CYP7B1: variants seen among roughly 807,000 people sequenced by gnomAD.
CYP7B1 encodes cytochrome P450 family 7 subfamily B member 1, also known as cytochrome P450 7B1.
In CYP7B1, 29 loss-of-function variants were observed where a neutral mutation model predicts 42.7. The observed-to-expected ratio is 0.68, with a 90% confidence interval of 0.51 to 0.93. The LOEUF is 0.93. CYP7B1 is among the 40% of genes least tolerant of loss of function. CYP7B1 has a pLI of 0.00. For missense variants in CYP7B1, 655 were observed against 600.5 expected (o/e 1.09, Z -0.95); for synonymous variants, 235 against 218.2 (o/e 1.08, Z -0.68).
intron 1 of CYP7B1, among the ~76,000 whole-genome samples, chr8:64,632,553 TAA>T (rs756163708): frequency 2.6e-5 from 4 of 152,064 alleles, no homozygotes; most frequent in African/African-American, 4.8e-5. Context: ...CAAAATTTAT[TAA>T]GAGTAGATCT....
At position 64,770,020 on chromosome 8, in the gene CYP7B1, A is replaced by G. The variant is rs370774669; in HGVS notation, c.122+28446T>C. Among the ~76,000 whole-genome samples, 17 of 152,036 alleles carry G rather than the reference A, an allele frequency of 1.1e-4. No individual in the cohort carries two copies. The East Asian group carries it at 1.9e-3, about 17-fold the overall frequency. ...CTCATCTTTATTGTTAATAGTCTCA[A>G]TTACATTTGTGTGTGTGTGCGTGTG... is the stretch of plus-strand genomic sequence containing the variant. On this transcript the variant is annotated intron_variant, in intron 1 of 5. Coordinates refer to ENST00000310193, the MANE Select transcript of CYP7B1 (RefSeq NM_004820.5).
At chr8:64,728,075 C>T (rs1304977910) in intron 1 of CYP7B1, 2 of 152,182 alleles carry the variant, frequency 1.3e-5, no homozygotes, top group African/African-American at 4.8e-5. Flanking sequence ...GGTACACATT[C>T]TTCTGTTAAT....
intron 1 of CYP7B1, among the ~76,000 whole-genome samples, chr8:64,626,746 G>C (rs1037823080): frequency 2.6e-5 from 4 of 152,160 alleles, no homozygotes; most frequent in Non-Finnish European, 5.9e-5. Context: ...AGAAAACAAA[G>C]CCATTTTATC....
chr8:64,684,548 TAA>T (rs1194745779), intron 1 of CYP7B1, among the ~76,000 whole-genome samples: 3 of 152,364 alleles, frequency 2.0e-5, no homozygotes, highest in South Asian at 2.1e-4. Flanking sequence ...TTTATTTATA[TAA>T]GTCTATATTA....
chr8:64,700,936 T>C (rs1450473604), intron 1 of CYP7B1, among the ~76,000 whole-genome samples: 1 of 152,046 alleles, frequency 6.6e-6, no homozygotes, highest in Non-Finnish European at 1.5e-5. Context: ...GTTGTTGTTG[T>C]TGTTGTTGTT....
At chr8:64,653,234 AAGAT>A (rs1399671929) in intron 1 of CYP7B1, among the ~76,000 whole-genome samples, 2 of 152,202 alleles carry the variant, frequency 1.3e-5, no homozygotes, top group African/African-American at 4.8e-5. Flanking sequence ...AAAAATTAAT[AAGAT>A]AGATATACTG....
chr8:64,743,008 C>T (rs545704244), intron 1 of CYP7B1, among the ~76,000 whole-genome samples: 1 of 152,246 alleles, frequency 6.6e-6, no homozygotes, highest in East Asian at 1.9e-4. Flanking sequence ...GACTAACAGG[C>T]AGCCAAGCCA....
intron 1 of CYP7B1, among the ~76,000 whole-genome samples, chr8:64,654,094 C>T (rs1806082430): frequency 6.6e-6 from 1 of 152,128 alleles, no homozygotes; most frequent in Non-Finnish European, 1.5e-5. Context: ...GGAACCATTC[C>T]CCTTGAAAAC....
At chr8:64,798,405 G>A in intron 1 of CYP7B1, 61 bp downstream of exon 1, 1 of 1,441,594 alleles carries the variant, frequency 6.9e-7, no homozygotes, top group Non-Finnish European at 9.0e-7. Flanking sequence ...CTCGCCATCT[G>A]GGTCGCGCGC....
intron 2 of CYP7B1, among the ~76,000 whole-genome samples, chr8:64,623,221 G>C (rs1237616733): frequency 6.6e-6 from 1 of 152,194 alleles, no homozygotes; most frequent in African/African-American, 2.4e-5. Context: ...CTCTTTCCCT[G>C]CCCTTGATTC....
chr8:64,712,739 CATT>C (rs1187289953), intron 1 of CYP7B1, among the ~76,000 whole-genome samples: 1 of 141,592 alleles, frequency 7.1e-6, no homozygotes, highest in Non-Finnish European at 1.5e-5. Context: ...GTATATGTCT[CATT>C]ATATATGTGT....
intron 1 of CYP7B1, among the ~76,000 whole-genome samples, chr8:64,735,879 A>G (rs1243199627): frequency 6.6e-6 from 1 of 152,192 alleles, no homozygotes; most frequent in East Asian, 1.9e-4. Flanking sequence ...AGAGAAAGGT[A>G]AAATTATGTT....
chr8:64,709,032 G>A (rs1468471853), intron 1 of CYP7B1, among the ~76,000 whole-genome samples: 2 of 152,120 alleles, frequency 1.3e-5, no homozygotes, highest in African/African-American at 4.8e-5. Flanking sequence ...GATCTGACAG[G>A]CACTGAGCTG....
chr8:64,762,432 T>C (rs949636084), intron 1 of CYP7B1, among the ~76,000 whole-genome samples: 1 of 152,202 alleles, frequency 6.6e-6, no homozygotes, highest in African/African-American at 2.4e-5. Flanking sequence ...AAAATTTCTG[T>C]AGTGCTGATA....
chr8:64,676,650 T>C (rs890793056), intron 1 of CYP7B1, among the ~76,000 whole-genome samples: 1 of 152,128 alleles, frequency 6.6e-6, no homozygotes, highest in Non-Finnish European at 1.5e-5. Flanking sequence ...ACAATACTCA[T>C]AATGGCTCAT....
At chr8:64,695,132 C>T (rs900458073) in intron 1 of CYP7B1, among the ~76,000 whole-genome samples, 1 of 152,158 alleles carries the variant, frequency 6.6e-6, no homozygotes, top group African/African-American at 2.4e-5. Flanking sequence ...CTGTCCCTGC[C>T]CTCCCTCTGC....
chr8:64,649,303 T>C (rs781141887), intron 1 of CYP7B1, among the ~76,000 whole-genome samples: 6 of 152,256 alleles, frequency 3.9e-5, no homozygotes, highest in Non-Finnish European at 8.8e-5. Flanking sequence ...TGTGAAATTA[T>C]ACAGTATTTG....
chr8:64,648,177 T>G (rs1805982967), intron 1 of CYP7B1, among the ~76,000 whole-genome samples: 1 of 152,224 alleles, frequency 6.6e-6, no homozygotes, highest in Admixed American at 6.5e-5. Flanking sequence ...CTGTGGTGAC[T>G]GTAGTGATAG....
chr8:64,715,997 A>G lies in CYP7B1; in HGVS notation c.122+82469T>C, dbSNP rs146208058. The stretch of plus-strand genomic sequence containing the variant: ...TATTTTATTCTTTCAACTTAATTTC[A>G]GTTTAGTTTATGCCTGTTTTTTATC... On this transcript the variant is annotated intron_variant, in intron 1 of 5. Transcript: ENST00000310193. Among the ~76,000 whole-genome samples the G allele has an allele frequency of 2.1e-3, 327 of 152,314 alleles. 1 individual carries two copies. The highest frequency in any genetic ancestry group is 7.3e-3 in the African/African-American group (304 of 41,566).
Sources: gnomAD v4.1 joint callset for allele counts (sites outside exome capture counted in the v4.1 genomes callset) on GRCh38, gnomAD v4.1.1 for gene constraint, MANE v1.5 for transcripts, NCBI Gene and HGNC (gene_info 2026-07-23, HGNC 2026-07-21) for gene names.